GABRP: variants seen among roughly 807,000 people sequenced by gnomAD.
GABRP encodes gamma-aminobutyric acid receptor subunit pi.
Under a neutral mutation model 47.8 loss-of-function variants are expected in GABRP, and 52 were observed. The observed-to-expected ratio is 1.09, with a 90% CI of 0.87 to 1.37. GABRP has a LOEUF of 1.37. Ranked by LOEUF, GABRP falls within the 40% of genes most tolerant of loss-of-function variation. The pLI is 0.00. For synonymous variants in GABRP, 221 were observed against 205.8 expected (o/e 1.07, Z -0.63); for missense variants, 525 against 542.8 (o/e 0.97, Z 0.33).
intron 5 of GABRP, among the ~76,000 whole-genome samples, chr5:170,797,039 G>A (rs745968752): frequency 1.1e-4 from 17 of 152,218 alleles, no homozygotes; most frequent in Admixed American, 3.9e-4. Flanking sequence ...CTAGGCTGCA[G>A]CCTCAGTTCT....
At chr5:170,794,330 T>G (rs755093888) in intron 4 of GABRP, 32 bp downstream of exon 4, 1 of 1,369,976 alleles carries the variant, frequency 7.3e-7, no homozygotes, top group Non-Finnish European at 1.0e-6. Flanking sequence ...TCTACCCAAG[T>G]AGTCCCTCTC....
Position 170,805,776 on chromosome 5 carries a change from G to T in GABRP, c.602G>T (p.Gly201Val). The change falls in exon 7 of 10, where the codon GGA becomes GTA. Residue 201 changes from glycine to valine, a missense_variant. Gly to Val is a moderately radical substitution (Grantham distance 109). Coordinates refer to ENST00000265294, the MANE Select transcript of GABRP (RefSeq NM_014211.3). ...TWLRGNDSVR[G>V]LEHLRLAQYT... ...CTGAGAGGGAACGACTCTGTGCGTG[G>T]ACTGGAACACCTGCGGCTTGCTCAG... 1 of 1,614,182 alleles carries T rather than the reference G, an allele frequency of 6.2e-7. No homozygotes were observed. The highest frequency in any genetic ancestry group is 1.7e-5 in the Admixed American group (1 of 60,018).
chr5:170,805,471 C>T (rs568647933), intron 6 of GABRP, among the ~76,000 whole-genome samples: 1 of 152,324 alleles, frequency 6.6e-6, no homozygotes, highest in South Asian at 2.1e-4. Context: ...TCCACCAGAT[C>T]TACGCAGTAC....
At chr5:170,792,993 G>T (rs1255178767) in intron 3 of GABRP, among the ~76,000 whole-genome samples, 1 of 152,150 alleles carries the variant, frequency 6.6e-6, no homozygotes, top group Admixed American at 6.5e-5. Context: ...AAGAGAGGGG[G>T]AAGGGAAGGG....
In GABRP at chr5:170,796,794, G is replaced by A. The variant is rs549469186; in HGVS notation, c.459-672G>A. 3.9e-5 allele frequency among the ~76,000 whole-genome samples: 6 copies of A among 152,252 alleles called. No individual in the cohort carries two copies. The South Asian group carries it at 1.0e-3, about 26-fold the overall frequency. On this transcript the variant is annotated intron_variant, in intron 5 of 9. Coordinates refer to ENST00000265294, the MANE Select transcript of GABRP (RefSeq NM_014211.3). ...CTGTAATCACCTCCATTTCCCCCAAGTACCTAGCACAGTGCTTAATAAATA... is the reference window on the plus strand; with the variant it reads ...CTGTAATCACCTCCATTTCCCCCAAATACCTAGCACAGTGCTTAATAAATA...
chr5:170,792,560 GTC>G (rs1170149603), intron 3 of GABRP, among the ~76,000 whole-genome samples: 1 of 152,156 alleles, frequency 6.6e-6, no homozygotes, highest in East Asian at 1.9e-4. Flanking sequence ...TCAAACACCT[GTC>G]TCTGACTCCA....
intron 1 of GABRP, among the ~76,000 whole-genome samples, chr5:170,784,443 T>C (rs560150273): frequency 3.4e-4 from 52 of 151,998 alleles, no homozygotes; most frequent in African/African-American, 1.2e-3. Flanking sequence ...GCACGGAGTA[T>C]AGAAGCCCAG....
chr5:170,808,237 T>G (rs564691293), intron 7 of GABRP, among the ~76,000 whole-genome samples: 4 of 152,206 alleles, frequency 2.6e-5, no homozygotes, highest in Non-Finnish European at 5.9e-5. Flanking sequence ...ACAGGTAATC[T>G]TCATTAAACA....
intron 7 of GABRP, among the ~76,000 whole-genome samples, chr5:170,806,258 A>G (rs1862242): frequency 0.26 from 40,204 of 152,142 alleles, 6,729 homozygotes; most frequent in African/African-American, 0.47. Flanking sequence ...TATTGCAAAC[A>G]TGGCAGGAAG....
At position 170,808,589 on chromosome 5, in the gene GABRP, T is replaced by C; in HGVS notation, c.680-11T>C. The C allele has an allele frequency of 1.2e-6, 2 of 1,612,514 alleles. No homozygotes were observed. Among genetic ancestry groups the C allele is most frequent in the Non-Finnish European group, 1.7e-6 (2 of 1,178,932 alleles). On this transcript the variant is annotated splice_polypyrimidine_tract_variant and intron_variant, in intron 7 of 9. Transcript: ENST00000265294. ...CAGACACAATTTCCTATCTGTTGTT[T>C]ACCCTTTCAGGAAATTACACTAGAT...
At chr5:170,790,730 T>C (rs1255796030) in intron 3 of GABRP, among the ~76,000 whole-genome samples, 1 of 152,030 alleles carries the variant, frequency 6.6e-6, no homozygotes, top group East Asian at 1.9e-4. Context: ...TACAGGTGCA[T>C]TCAGAGGAGT....
intron 9 of GABRP, chr5:170,810,123 C>A: frequency 2.0e-6 from 1 of 496,974 alleles, no homozygotes; most frequent in South Asian, 3.8e-5. Context: ...TCTTTTGTTG[C>A]ATTATTTTGT....
intron 7 of GABRP, among the ~76,000 whole-genome samples, chr5:170,808,248 G>A (rs970969976): frequency 6.6e-6 from 1 of 152,128 alleles, no homozygotes; most frequent in Non-Finnish European, 1.5e-5. Flanking sequence ...TCATTAAACA[G>A]GTATTTATTG....
At chr5:170,805,274 A>G (rs563751249) in intron 6 of GABRP, among the ~76,000 whole-genome samples, 1 of 152,126 alleles carries the variant, frequency 6.6e-6, no homozygotes, top group Non-Finnish European at 1.5e-5. Context: ...TTAATAAAGC[A>G]GGTTTTTTGT....
chr5:170,794,375 C>CAAAA (rs34296291), intron 4 of GABRP, 77 bp downstream of exon 4: 22 of 260,090 alleles, frequency 8.5e-5, no homozygotes, highest in African/African-American at 2.8e-4. Context: ...TCTAGCCGCT[C>CAAAA]AAAAAAAAAA....
At chr5:170,805,985 C>G in intron 7 of GABRP, 132 bp downstream of exon 7, 1 of 957,546 alleles carries the variant, frequency 1.0e-6, no homozygotes, top group Non-Finnish European at 1.5e-6. Flanking sequence ...AGGGTTTGTG[C>G]TGAGCAATTC....
At chr5:170,786,169 T>G (rs1034385861) in intron 1 of GABRP, among the ~76,000 whole-genome samples, 3 of 152,104 alleles carry the variant, frequency 2.0e-5, no homozygotes, top group Non-Finnish European at 4.4e-5. Flanking sequence ...TGTGGAAAAT[T>G]GAATGAGGCA....
chr5:170,805,297 A>T (rs916188793), intron 6 of GABRP, among the ~76,000 whole-genome samples: 41 of 152,060 alleles, frequency 2.7e-4, no homozygotes, highest in African/African-American at 9.4e-4. Context: ...TTGTTTTTGC[A>T]TTTATGCCAA....
chr5:170,788,297 C>T (rs779209529), intron 1 of GABRP: 35 of 232,374 alleles, frequency 1.5e-4, no homozygotes, highest in Admixed American at 4.9e-4. Context: ...TGCAGTGAAC[C>T]GAGATCATGT....
Sources: allele counts gnomAD v4.1 joint callset (sites outside exome capture counted in the v4.1 genomes callset), GRCh38; gene constraint gnomAD v4.1.1; transcripts MANE v1.5; gene names NCBI Gene and HGNC (gene_info 2026-07-23, HGNC 2026-07-21).